Variants in TASOR2 observed in about 807,000 individuals in gnomAD.
TASOR2 encodes the protein transcription activation suppressor family member 2, also known as protein TASOR 2.
A neutral mutation model predicts 199.5 loss-of-function variants in TASOR2; 84 were observed. That is an observed-to-expected ratio of 0.42 (90% CI 0.35 to 0.50). The LOEUF (loss-of-function observed/expected upper bound fraction) is 0.50, where lower values mean the gene tolerates loss of function less well. TASOR2 is among the 20% of genes least tolerant of loss of function. The pLI is 0.02. For synonymous variants in TASOR2, 1,103 were observed against 1,046.6 expected, an observed-to-expected ratio of 1.05 and a Z score of -1.04; for missense variants, 2,796 against 2,835.9, an observed-to-expected ratio of 0.99 and a Z score of 0.32.
intron 11 of TASOR2, among the ~76,000 whole-genome samples, chr10:5,733,978 A>C (rs1388414242): frequency 1.3e-5 from 2 of 152,168 alleles, no homozygotes; most frequent in Non-Finnish European, 2.9e-5. Flanking sequence ...TCATTTCGCT[A>C]ACCCCCAAAA....
rs1283992561 is a variant in TASOR2, at chr10:5,751,109, T to C, written c.6606+1082T>C. ...ATTCATTGTATCAGGAGGCACCCGA[T>C]GTTGATTTATCCCCTTACTGGTATA... is the stretch of plus-strand genomic sequence containing the variant. On this transcript the variant is annotated intron_variant, in intron 15 of 20. Coordinates refer to ENST00000328090, the Ensembl canonical transcript of TASOR2. The surrounding 1 kb of genome is among the most constrained non-coding windows in gnomAD (Gnocchi z 5.3). Among the ~76,000 whole-genome samples the C allele has an allele frequency of 6.6e-6, 1 of 152,266 alleles. No individual in the cohort carries two copies. The highest frequency in any genetic ancestry group is 1.5e-5 in the Non-Finnish European group (1 of 68,046).
At chr10:5,703,438 G>A (rs1838151468) in intron 1 of TASOR2, among the ~76,000 whole-genome samples, 2 of 150,866 alleles carry the variant, frequency 1.3e-5, no homozygotes, top group Admixed American at 1.3e-4. Flanking sequence ...TGAATTCCTG[G>A]CATAAGCTTT....
intron 11 of TASOR2, 137 bp downstream of exon 12, chr10:5,731,340 C>A: frequency 1.3e-6 from 1 of 744,736 alleles, no homozygotes; most frequent in Non-Finnish European, 2.2e-6. Flanking sequence ...ACCAGTCTGA[C>A]CAATACGGTG....
rs745809270 is a variant in TASOR2 at position 5,748,158 on chromosome 10, A to G, written c.4737A>G (p.Arg1579=). 16 of 1,614,114 alleles carry G rather than the reference A, an allele frequency of 9.9e-6. No homozygotes were observed. The highest frequency in any genetic ancestry group is 1.4e-5 in the Non-Finnish European group (16 of 1,180,052). Residue 1579 remains arginine, a synonymous_variant, in exon 15 of 21, where the codon AGA becomes AGG. Transcript: ENST00000328090. The surrounding 1 kb of genome is among the most constrained non-coding windows in gnomAD (Gnocchi z 5.1). Reference sequence around the variant, plus strand: ...CCAGTGAACCTCCATTTGGTCCTAGAAATGTTATTGAAAATAAGTCTTTGT... The same window carrying G: ...CCAGTGAACCTCCATTTGGTCCTAGGAATGTTATTGAAAATAAGTCTTTGT...
At chr10:5,756,499 G>T in intron 15 of TASOR2, 114 bp from the exon 17 acceptor site, 1 of 972,808 alleles carries the variant, frequency 1.0e-6, no homozygotes, top group Non-Finnish European at 1.5e-6. Flanking sequence ...AAGACAAATT[G>T]TCATTTATGG....
rs755243926 is a variant in TASOR2 at position 5,699,232 on chromosome 10, G to A, written c.-287-13591G>A. On this transcript the variant is annotated intron_variant, in intron 1 of 20. Transcript: ENST00000328090. The surrounding 1 kb of genome is among the most constrained non-coding windows in gnomAD (Gnocchi z 4.1). Reference sequence around the variant, plus strand: ...AAAGAAGCCAATCATGAAGGACCGCGTGCTGTATGACTCTGTTTATAGGAA... The same window carrying A: ...AAAGAAGCCAATCATGAAGGACCGCATGCTGTATGACTCTGTTTATAGGAA... Among the ~76,000 whole-genome samples, 6 of 152,064 alleles carry A rather than the reference G, an allele frequency of 3.9e-5. No individual in the cohort carries two copies. Among genetic ancestry groups the A allele is most frequent in the Non-Finnish European group, 5.9e-5 (4 of 67,986 alleles).
chr10:5,721,204 A>C (rs1833315313), intron 6 of TASOR2, among the ~76,000 whole-genome samples: 1 of 152,216 alleles, frequency 6.6e-6, no homozygotes, highest in African/African-American at 2.4e-5. Flanking sequence ...ATTAGATACT[A>C]GAAATTTGAC....
intron 1 of TASOR2, among the ~76,000 whole-genome samples, chr10:5,696,307 G>A (rs560586183): frequency 6.6e-6 from 1 of 152,304 alleles, no homozygotes; most frequent in South Asian, 2.1e-4. Context: ...CACCTGGAGA[G>A]TACAGCCGCT....
chr10:5,687,938 A>T lies in TASOR2; in HGVS notation c.-288+2763A>T, dbSNP rs1036610278. 6.6e-6 allele frequency among the ~76,000 whole-genome samples: 1 copy of T among 152,256 alleles called. No homozygotes were observed. The highest frequency in any genetic ancestry group is 2.4e-5 in the African/African-American group (1 of 41,460). On this transcript the variant is annotated intron_variant, in intron 1 of 20. Transcript: ENST00000328090. The surrounding 1 kb of genome is among the most constrained non-coding windows in gnomAD (Gnocchi z 4.8). ...TATGTTTATTTATTGGTACCTTTAAATATAATAACCCATTACATCTTAACA... is the reference window on the plus strand; with the variant it reads ...TATGTTTATTTATTGGTACCTTTAATTATAATAACCCATTACATCTTAACA...
chr10:5,692,288 G>A (rs1161152256), intron 1 of TASOR2, among the ~76,000 whole-genome samples: 5 of 152,150 alleles, frequency 3.3e-5, no homozygotes, highest in Non-Finnish European at 4.4e-5. Context: ...GATGTGGGAC[G>A]AAGAGTTATA....
At chr10:5,692,468 G>A (rs1836555002) in intron 1 of TASOR2, among the ~76,000 whole-genome samples, 1 of 152,114 alleles carries the variant, frequency 6.6e-6, no homozygotes, top group African/African-American at 2.4e-5. Context: ...ACTGTGTGAC[G>A]TCCAAGAACT....
chr10:5,746,517 C>T (rs982754614), exon 15 of TASOR2: 3 of 1,613,984 alleles, frequency 1.9e-6, no homozygotes, highest in Non-Finnish European at 2.5e-6. Context: ...ATGAATGTCA[C>T]CCTTCCTTGG....
chr10:5,755,594 A>C (rs1324950575), intron 15 of TASOR2, among the ~76,000 whole-genome samples: 5 of 151,676 alleles, frequency 3.3e-5, no homozygotes, highest in Non-Finnish European at 5.9e-5. Flanking sequence ...GATCCAAGGG[A>C]AACAGATCAA....
intron 14 of TASOR2, among the ~76,000 whole-genome samples, chr10:5,744,289 TG>T (rs1836848575): frequency 1.1e-5 from 1 of 91,156 alleles, no homozygotes; most frequent in Non-Finnish European, 2.5e-5. Flanking sequence ...CTGTTGACTC[TG>T]TTTTTTTGTT....
intron 1 of TASOR2, among the ~76,000 whole-genome samples, chr10:5,686,129 C>G (rs983880411): frequency 5.3e-5 from 8 of 152,152 alleles, no homozygotes; most frequent in Non-Finnish European, 8.8e-5. Context: ...ATGTCCTGTA[C>G]TGTACATCAA....
At chr10:5,711,562 C>G (rs1831913739) in intron 1 of TASOR2, among the ~76,000 whole-genome samples, 1 of 152,008 alleles carries the variant, frequency 6.6e-6, no homozygotes, top group African/African-American at 2.4e-5. Flanking sequence ...TGGTTAGATG[C>G]AAGAGTGTCC....
rs772228621 is a variant in TASOR2 at position 5,719,466 on chromosome 10, C to T, written c.-99-1078C>T. Among the ~76,000 whole-genome samples the T allele has an allele frequency of 9.9e-5, 15 of 152,102 alleles. No individual in the cohort carries two copies. The highest frequency in any genetic ancestry group is 1.6e-4 in the Non-Finnish European group (11 of 68,020). On this transcript the variant is annotated intron_variant, in intron 3 of 20. Transcript: ENST00000328090. This position sits in a 1 kb window ranked among gnomAD's most constrained non-coding sequence, Gnocchi z 4.1. Reference sequence around the variant, plus strand: ...CAAGCAATTTTCCTACCTCAGCCTCCCAAGTGGCTGGGACTACAGGCGCGC... The same window carrying T: ...CAAGCAATTTTCCTACCTCAGCCTCTCAAGTGGCTGGGACTACAGGCGCGC...
At chr10:5,716,809 G>A (rs891865162) in intron 2 of TASOR2, among the ~76,000 whole-genome samples, 2 of 151,850 alleles carry the variant, frequency 1.3e-5, no homozygotes, top group African/African-American at 4.8e-5. Context: ...CAGCTACTCA[G>A]GTGGCCAAGA....
rs1356282532 is a variant in TASOR2, at chr10:5,717,047, A to T, written c.-191-612A>T. 5.4e-5 allele frequency among the ~76,000 whole-genome samples: 7 copies of T among 130,622 alleles called. No homozygotes were observed. In the East Asian group the frequency reaches 1.5e-3, roughly 29 times the overall value. The allele number at this position is 130,622 out of a possible 152,430, so 85.7% of individuals were successfully genotyped here. A position where few individuals can be genotyped will look rare whatever the true frequency, so the allele number is the denominator to read the frequency against. ...CATCTCAAAAAAAAAAAAAAAAAAG[A>T]CGTTTTCCTACATTGCTACAATCTT... On this transcript the variant is annotated intron_variant, in intron 2 of 20. Transcript: ENST00000328090.
Sources: allele counts gnomAD v4.1 joint callset (sites outside exome capture counted in the v4.1 genomes callset), GRCh38; gene constraint gnomAD v4.1.1; non-coding constraint Gnocchi (gnomAD v3.1); transcripts MANE v1.5; gene names NCBI Gene and HGNC (gene_info 2026-07-23, HGNC 2026-07-21).